GPC5: variants seen among roughly 807,000 people sequenced by gnomAD.
GPC5 encodes glypican-5.
Under a neutral mutation model 53.9 loss-of-function variants are expected in GPC5, and 47 were observed. The observed-to-expected ratio is 0.87, with a 90% CI of 0.69 to 1.11. The LOEUF (loss-of-function observed/expected upper bound fraction) is 1.11. GPC5 is among the 50% of genes most tolerant of loss of function. GPC5 has a pLI of 0.00. For synonymous variants in GPC5, 286 were observed against 263.3 expected (o/e 1.09, Z -0.84); for missense variants, 748 against 713.1 (o/e 1.05, Z -0.56).
At chr13:91,726,430 C>T (rs1268624015) in intron 3 of GPC5, among the ~76,000 whole-genome samples, 4 of 152,180 alleles carry the variant, frequency 2.6e-5, no homozygotes, top group Non-Finnish European at 4.4e-5. Context: ...TTTTGAGCAA[C>T]CATCAGGAGC....
At chr13:92,182,124 C>T (rs1188434417) in intron 7 of GPC5, among the ~76,000 whole-genome samples, 3 of 151,974 alleles carry the variant, frequency 2.0e-5, no homozygotes, top group Admixed American at 6.6e-5. Context: ...AATTAATAAT[C>T]CAAAAGAACA....
chr13:91,418,818 C>A (rs1878410413), intron 1 of GPC5, among the ~76,000 whole-genome samples: 2 of 151,970 alleles, frequency 1.3e-5, no homozygotes, highest in African/African-American at 4.8e-5. Flanking sequence ...GTAGTACCAA[C>A]AGGAATAAGT....
intron 7 of GPC5, among the ~76,000 whole-genome samples, chr13:92,827,275 T>G: frequency 6.6e-6 from 1 of 152,126 alleles, no homozygotes; most frequent in East Asian, 1.9e-4. Flanking sequence ...TTTCAAGACA[T>G]AACTTTTGAA....
intron 7 of GPC5, among the ~76,000 whole-genome samples, chr13:92,713,595 G>A (rs1434534385): frequency 1.7e-4 from 23 of 136,054 alleles, no homozygotes; most frequent in Admixed American, 5.6e-4. Context: ...ACGACAGAGC[G>A]AGACTCCAAT....
At chr13:91,483,848 A>G (rs180730025) in intron 2 of GPC5, among the ~76,000 whole-genome samples, 1 of 152,210 alleles carries the variant, frequency 6.6e-6, no homozygotes, top group Non-Finnish European at 1.5e-5. Context: ...ATTGTGAACA[A>G]AACAGAATTA....
intron 7 of GPC5, among the ~76,000 whole-genome samples, chr13:92,728,403 A>AT (rs140885038): frequency 2.0e-5 from 3 of 151,372 alleles, no homozygotes; most frequent in South Asian, 2.1e-4. Context: ...TTGAATGTTA[A>AT]TTTTTTTGTG....
chr13:91,521,128 A>G (rs534454055), intron 2 of GPC5, among the ~76,000 whole-genome samples: 1 of 152,296 alleles, frequency 6.6e-6, no homozygotes, highest in South Asian at 2.1e-4. Context: ...ACTTGTTTAC[A>G]TTTCACATGT....
At chr13:92,336,730 A>T (rs1431389618) in intron 7 of GPC5, among the ~76,000 whole-genome samples, 1 of 152,220 alleles carries the variant, frequency 6.6e-6, no homozygotes, top group Non-Finnish European at 1.5e-5. Flanking sequence ...GTAACCCTTC[A>T]TTCAAAGACT....
At chr13:91,807,668 T>C (rs1004663187) in intron 5 of GPC5, among the ~76,000 whole-genome samples, 1 of 152,128 alleles carries the variant, frequency 6.6e-6, no homozygotes, top group African/African-American at 2.4e-5. Context: ...GGAATGACAA[T>C]CTGTTGTGCA....
intron 6 of GPC5, among the ~76,000 whole-genome samples, chr13:91,999,328 A>G (rs961190565): frequency 6.6e-6 from 1 of 152,202 alleles, no homozygotes; most frequent in Non-Finnish European, 1.5e-5. Flanking sequence ...TCAGAATGTG[A>G]GAAGGTAAAA....
intron 7 of GPC5, among the ~76,000 whole-genome samples, chr13:92,324,985 G>A (rs1188329587): frequency 6.6e-6 from 1 of 151,754 alleles, no homozygotes; most frequent in Non-Finnish European, 1.5e-5. Flanking sequence ...CATTTAATTT[G>A]CATAAGGAAA....
chr13:91,998,756 G>A (rs976839076), intron 6 of GPC5, among the ~76,000 whole-genome samples: 25 of 152,302 alleles, frequency 1.6e-4, no homozygotes, highest in African/African-American at 5.8e-4. Context: ...AATAAATGGT[G>A]TCTTTGCCAG....
At chr13:92,332,915 C>G (rs1348891349) in intron 7 of GPC5, among the ~76,000 whole-genome samples, 1 of 152,088 alleles carries the variant, frequency 6.6e-6, no homozygotes, top group Non-Finnish European at 1.5e-5. Flanking sequence ...CTAACAACAG[C>G]AAAAAGTGAA....
chr13:92,858,932 T>C (rs1159367318), intron 7 of GPC5, among the ~76,000 whole-genome samples: 1 of 152,178 alleles, frequency 6.6e-6, no homozygotes, highest in Non-Finnish European at 1.5e-5. Flanking sequence ...ATAATTACTT[T>C]CTTTCATGTT....
intron 7 of GPC5, among the ~76,000 whole-genome samples, chr13:92,158,456 C>T (rs573288385): frequency 2.0e-5 from 3 of 152,016 alleles, no homozygotes; most frequent in Non-Finnish European, 4.4e-5. Flanking sequence ...TCATTCAATA[C>T]GTCTAAAAAT....
chr13:91,483,720 A>G (rs147046303), intron 2 of GPC5, among the ~76,000 whole-genome samples: 2 of 152,340 alleles, frequency 1.3e-5, no homozygotes, highest in African/African-American at 4.8e-5. Context: ...ATTATTATGA[A>G]ATAATACACA....
chr13:92,213,468 G>A (rs554287817), intron 7 of GPC5, among the ~76,000 whole-genome samples: 1 of 146,144 alleles, frequency 6.8e-6, no homozygotes, highest in East Asian at 2.0e-4. Flanking sequence ...GTCAGAAAAT[G>A]AGGCCTTATC....
At chr13:92,471,972 T>C (rs1050254749) in intron 7 of GPC5, among the ~76,000 whole-genome samples, 1 of 152,166 alleles carries the variant, frequency 6.6e-6, no homozygotes, top group Non-Finnish European at 1.5e-5. Flanking sequence ...ATTTAATCAT[T>C]GTGTTCCTTT....
At chr13:92,514,495 G>T (rs987513319) in intron 7 of GPC5, among the ~76,000 whole-genome samples, 1 of 152,074 alleles carries the variant, frequency 6.6e-6, no homozygotes, top group African/African-American at 2.4e-5. Flanking sequence ...TTGGCCCAAG[G>T]CATTGTTGTA....
Sources: gnomAD v4.1 joint callset for allele counts (sites outside exome capture counted in the v4.1 genomes callset) on GRCh38, gnomAD v4.1.1 for gene constraint, MANE v1.5 for transcripts, NCBI Gene and HGNC (gene_info 2026-07-23, HGNC 2026-07-21) for gene names.